MAF: variants seen among roughly 807,000 people sequenced by gnomAD.
The protein encoded by MAF is MAF bZIP transcription factor, also known as transcription factor Maf.
In MAF, 10 loss-of-function variants were observed where a neutral mutation model predicts 22.0. The ratio of observed to expected loss-of-function variants is 0.45; its 90% CI spans 0.28 to 0.77. The LOEUF (loss-of-function observed/expected upper bound fraction) is 0.77. Among genes scored for constraint, MAF ranks in the 30% least tolerant of loss-of-function variants. The pLI is 0.12. For synonymous variants in MAF, 337 were observed against 255.8 expected (o/e 1.32, Z -3.03); for missense variants, 544 against 548.4 (o/e 0.99, Z 0.08).
chr16:79,231,348 C>A, the MAF span, among the ~76,000 whole-genome samples: 1 of 151,984 alleles, frequency 6.6e-6, no homozygotes, highest in Admixed American at 6.6e-5. Flanking sequence ...GCTCTTGCTG[C>A]GTTTTAATTT....
the MAF span, among the ~76,000 whole-genome samples, chr16:79,553,444 C>T: frequency 6.6e-6 from 1 of 152,230 alleles, no homozygotes; most frequent in Non-Finnish European, 1.5e-5. Flanking sequence ...TTACAGATGC[C>T]TGCTTTTGGG....
chr16:79,597,447 C>T, intron 1 of MAF: 2 of 1,028,696 alleles, frequency 1.9e-6, no homozygotes, highest in Non-Finnish European at 2.3e-6. Context: ...TCGGCAATAG[C>T]ACAATTTTAG....
the MAF span, among the ~76,000 whole-genome samples, chr16:79,343,661 T>C: frequency 1.3e-5 from 2 of 152,230 alleles, no homozygotes; most frequent in Non-Finnish European, 2.9e-5. Context: ...CCATTTATAT[T>C]AGCAGACTCC....
At chr16:79,479,769 T>C in the MAF span, among the ~76,000 whole-genome samples, 201 of 152,356 alleles carry the variant, frequency 1.3e-3, 1 homozygote, top group Non-Finnish European at 1.0e-4. Flanking sequence ...TGGTACTCTA[T>C]ATCCATGCTT....
chr16:79,438,250 T>A, the MAF span, among the ~76,000 whole-genome samples: 12 of 152,268 alleles, frequency 7.9e-5, no homozygotes, highest in South Asian at 2.5e-3. Context: ...TTCCTGCACT[T>A]GGCGTGAGGA....
chr16:79,387,640 C>A, the MAF span, among the ~76,000 whole-genome samples: 5 of 152,132 alleles, frequency 3.3e-5, no homozygotes, highest in African/African-American at 4.8e-5. Context: ...TATTGATGAA[C>A]TGTACCTGCC....
the MAF span, among the ~76,000 whole-genome samples, chr16:79,554,683 G>C: frequency 6.6e-6 from 1 of 152,072 alleles, no homozygotes; most frequent in South Asian, 2.1e-4. Context: ...TCCAACCCCA[G>C]TTCTAAAGGC....
the MAF span, among the ~76,000 whole-genome samples, chr16:79,389,444 G>T: frequency 6.6e-6 from 1 of 151,948 alleles, no homozygotes; most frequent in African/African-American, 2.4e-5. Flanking sequence ...TTTTAGTAGA[G>T]ACAGGGTTTC....
At chr16:79,534,936 T>C in the MAF span, among the ~76,000 whole-genome samples, 1 of 152,210 alleles carries the variant, frequency 6.6e-6, no homozygotes, top group South Asian at 2.1e-4. Context: ...ACTTTTCTCA[T>C]TTGTTGGTGA....
At chr16:79,323,468 T>C in the MAF span, among the ~76,000 whole-genome samples, 7 of 151,956 alleles carry the variant, frequency 4.6e-5, no homozygotes, top group Non-Finnish European at 8.8e-5. Context: ...TACAGACAAA[T>C]TAAAAAGATT....
chr16:79,300,468 T>G, the MAF span, among the ~76,000 whole-genome samples: 1 of 152,010 alleles, frequency 6.6e-6, no homozygotes, highest in Non-Finnish European at 1.5e-5. Context: ...GTCAGGAGAA[T>G]CACTTGAACC....
chr16:79,307,122 G>C, the MAF span, among the ~76,000 whole-genome samples: 1 of 152,184 alleles, frequency 6.6e-6, no homozygotes, highest in Non-Finnish European at 1.5e-5. Flanking sequence ...GGGACAGTAG[G>C]TCTCCGCAGT....
the MAF span, among the ~76,000 whole-genome samples, chr16:79,435,816 G>C: frequency 6.6e-6 from 1 of 152,302 alleles, no homozygotes; most frequent in East Asian, 1.9e-4. Flanking sequence ...TAGCTAAAAA[G>C]CATGAACTTG....
chr16:79,516,770 T>C, the MAF span, among the ~76,000 whole-genome samples: 3 of 152,200 alleles, frequency 2.0e-5, no homozygotes, highest in South Asian at 2.1e-4. Context: ...CCAGACTGTG[T>C]ACCCTGGAGC....
chr16:79,242,477 A>G, the MAF span, among the ~76,000 whole-genome samples: 3 of 152,146 alleles, frequency 2.0e-5, no homozygotes, highest in Admixed American at 2.0e-4. Context: ...ATAATACTAA[A>G]GGGATCAATG....
the MAF span, among the ~76,000 whole-genome samples, chr16:79,275,862 C>T: frequency 6.6e-6 from 1 of 152,132 alleles, no homozygotes; most frequent in Non-Finnish European, 1.5e-5. Flanking sequence ...ACAGGCCAGG[C>T]AGGGTGCGGG....
At chr16:79,395,021 T>G in the MAF span, among the ~76,000 whole-genome samples, 1 of 152,302 alleles carries the variant, frequency 6.6e-6, no homozygotes, top group Admixed American at 6.5e-5. Flanking sequence ...CTTAGTAAAT[T>G]TATTCATTAC....
At chr16:79,273,913 G>A in the MAF span, among the ~76,000 whole-genome samples, 1 of 150,448 alleles carries the variant, frequency 6.6e-6, no homozygotes, top group Non-Finnish European at 1.5e-5. Flanking sequence ...CTGGAGGTCT[G>A]CAGAATCAGC....
At chr16:79,526,831 G>T in the MAF span, among the ~76,000 whole-genome samples, 1 of 145,586 alleles carries the variant, frequency 6.9e-6, no homozygotes, top group Non-Finnish European at 1.6e-5. Flanking sequence ...TCAATATTAC[G>T]ATACATGCAA....
Sources: gnomAD v4.1 joint callset for allele counts (sites outside exome capture counted in the v4.1 genomes callset) on GRCh38, gnomAD v4.1.1 for gene constraint, MANE v1.5 for transcripts, NCBI Gene and HGNC (gene_info 2026-07-23, HGNC 2026-07-21) for gene names.